The following CFAP299 variants were observed in gnomAD, a reference collection of about 807,000 sequenced individuals.
CFAP299 encodes the protein cilia and flagella associated protein 299.
CFAP299 carries 21 observed loss-of-function variants against 27.0 expected under a neutral mutation model. The observed-to-expected ratio is 0.78, with a 90% confidence interval of 0.55 to 1.12. The LOEUF (loss-of-function observed/expected upper bound fraction) is 1.12. CFAP299 is among the 50% of genes most tolerant of loss of function. CFAP299 has a pLI of 0.00. For missense variants in CFAP299, 310 were observed against 276.6 expected (o/e 1.12, Z -0.86); for synonymous variants, 104 against 98.1 (o/e 1.06, Z -0.36).
chr4:80,616,129 A>T (rs1050830706), intron 3 of CFAP299, among the ~76,000 whole-genome samples: 1 of 152,130 alleles, frequency 6.6e-6, no homozygotes, highest in African/African-American at 2.4e-5. Context: ...GGCTGTTTCC[A>T]TGTAAGTTTT....
chr4:80,356,766 T>C (rs1723299932), intron 1 of CFAP299, among the ~76,000 whole-genome samples: 1 of 152,126 alleles, frequency 6.6e-6, no homozygotes, highest in Admixed American at 6.6e-5. Context: ...AGATATAAGA[T>C]CATATAATCT....
At chr4:80,812,065 GA>G (rs1433880473) in intron 3 of CFAP299, among the ~76,000 whole-genome samples, 2 of 151,962 alleles carry the variant, frequency 1.3e-5, no homozygotes, top group African/African-American at 4.8e-5. Context: ...GTGCATTTTA[GA>G]ATATATGAAT....
At chr4:80,657,486 T>G (rs1740618551) in intron 3 of CFAP299, among the ~76,000 whole-genome samples, 1 of 152,190 alleles carries the variant, frequency 6.6e-6, no homozygotes, top group Non-Finnish European at 1.5e-5. Flanking sequence ...AAATAGGGAA[T>G]CCTTTCCCCA....
At chr4:80,691,399 C>G (rs1410502935) in intron 3 of CFAP299, among the ~76,000 whole-genome samples, 1 of 146,560 alleles carries the variant, frequency 6.8e-6, no homozygotes, top group African/African-American at 2.5e-5. Context: ...ATATGCAAAT[C>G]AATAAATGTA....
intron 4 of CFAP299, among the ~76,000 whole-genome samples, chr4:80,942,460 A>C (rs564580990): frequency 6.6e-6 from 1 of 152,242 alleles, no homozygotes; most frequent in African/African-American, 2.4e-5. Flanking sequence ...CTAGCACATG[A>C]CCATTACTAG....
At chr4:80,717,485 T>C (rs1030336376) in intron 3 of CFAP299, among the ~76,000 whole-genome samples, 2 of 152,174 alleles carry the variant, frequency 1.3e-5, no homozygotes, top group African/African-American at 4.8e-5. Context: ...AGAAATCACA[T>C]ATGACTACTA....
intron 3 of CFAP299, among the ~76,000 whole-genome samples, chr4:80,805,385 T>C (rs1038969455): frequency 3.9e-5 from 6 of 152,146 alleles, no homozygotes; most frequent in Non-Finnish European, 8.8e-5. Context: ...AGGTATTTTT[T>C]CCACTGAATT....
chr4:80,932,607 A>C (rs1046709176), intron 4 of CFAP299, among the ~76,000 whole-genome samples: 1 of 152,226 alleles, frequency 6.6e-6, no homozygotes, highest in African/African-American at 2.4e-5. Context: ...TTTTTTCCAC[A>C]GCAGGAAAAT....
intron 2 of CFAP299, among the ~76,000 whole-genome samples, chr4:80,460,620 C>T (rs6814695): frequency 1.3e-5 from 2 of 151,836 alleles, no homozygotes; most frequent in Admixed American, 6.6e-5. Context: ...TTTTTTTATG[C>T]GTAAGAAATA....
intron 3 of CFAP299, among the ~76,000 whole-genome samples, chr4:80,678,479 T>A (rs1467248988): frequency 6.6e-6 from 1 of 152,076 alleles, no homozygotes; most frequent in Non-Finnish European, 1.5e-5. Flanking sequence ...CTTCTTTAGA[T>A]CCTTACAATA....
intron 3 of CFAP299, among the ~76,000 whole-genome samples, chr4:80,694,369 T>A (rs1257065620): frequency 3.3e-5 from 5 of 152,226 alleles, no homozygotes; most frequent in Non-Finnish European, 7.3e-5. Flanking sequence ...TATGTTCTTA[T>A]TCTGCAAGGC....
At chr4:80,419,862 G>A (rs1236997140) in intron 2 of CFAP299, among the ~76,000 whole-genome samples, 1 of 152,076 alleles carries the variant, frequency 6.6e-6, no homozygotes, top group African/African-American at 2.4e-5. Context: ...CTTTTCTTAG[G>A]AGGCAAGAGA....
chr4:80,505,399 T>A, intron 2 of CFAP299, among the ~76,000 whole-genome samples: 1 of 152,184 alleles, frequency 6.6e-6, no homozygotes, highest in East Asian at 1.9e-4. Flanking sequence ...ATATAGGAAA[T>A]GGTGTCTTAT....
chr4:80,487,982 A>T (rs1730911812), intron 2 of CFAP299, among the ~76,000 whole-genome samples: 3 of 152,298 alleles, frequency 2.0e-5, no homozygotes, highest in Admixed American at 2.0e-4. Context: ...AGCACCTCCA[A>T]ATTCTTATGC....
intron 3 of CFAP299, among the ~76,000 whole-genome samples, chr4:80,866,652 G>A (rs1178932477): frequency 6.6e-6 from 1 of 152,124 alleles, no homozygotes; most frequent in Non-Finnish European, 1.5e-5. Context: ...GCCCAGGGCT[G>A]TATACGATGA....
chr4:80,870,642 C>G, intron 4 of CFAP299: 13 of 985,752 alleles, frequency 1.3e-5, no homozygotes, highest in Non-Finnish European at 1.6e-5. Context: ...TATCTATCAC[C>G]TAGCATCTAC....
chr4:80,453,271 A>G (rs954081174), intron 2 of CFAP299, among the ~76,000 whole-genome samples: 7 of 152,286 alleles, frequency 4.6e-5, no homozygotes, highest in Admixed American at 2.6e-4. Context: ...CGAGACTTGC[A>G]TATCACAAAC....
chr4:80,630,925 G>C (rs1739173731), intron 3 of CFAP299, among the ~76,000 whole-genome samples: 1 of 151,970 alleles, frequency 6.6e-6, no homozygotes, highest in African/African-American at 2.4e-5. Flanking sequence ...AATGAAAATA[G>C]ACCCTCACCA....
intron 2 of CFAP299, among the ~76,000 whole-genome samples, chr4:80,391,114 C>T (rs1422202175): frequency 6.6e-6 from 1 of 151,862 alleles, no homozygotes; most frequent in Admixed American, 6.6e-5. Context: ...TTTCTTTATG[C>T]ATTCATCTAT....
Sources: gnomAD v4.1 joint callset for allele counts (sites outside exome capture counted in the v4.1 genomes callset) on GRCh38, gnomAD v4.1.1 for gene constraint, MANE v1.5 for transcripts, NCBI Gene and HGNC (gene_info 2026-07-23, HGNC 2026-07-21) for gene names.